The following PHF14 variants were observed in gnomAD, a reference collection of about 807,000 sequenced individuals.
PHF14 encodes the protein PHD finger protein 14.
Under a neutral mutation model 117.9 loss-of-function variants are expected in PHF14, and 55 were observed. The observed-to-expected ratio is 0.47, with a 90% confidence interval of 0.38 to 0.58. The LOEUF is 0.58. Among genes scored for constraint, PHF14 ranks in the 20% least tolerant of loss-of-function variants. PHF14 has a pLI of 0.00. For missense variants in PHF14, 978 were observed against 1,122.2 expected (o/e 0.87, Z 1.84); for synonymous variants, 409 against 368.6 (o/e 1.11, Z -1.26).
chr7:11,006,711 A>C, intron 4 of PHF14: 3 of 654,924 alleles, frequency 4.6e-6, no homozygotes, highest in South Asian at 4.1e-5. Context: ...CTGCCTCCAG[A>C]GTCTCAGTGT....
intron 1 of PHF14, 108 bp downstream of exon 1, chr7:10,974,432 T>C: frequency 1.1e-6 from 1 of 931,538 alleles, no homozygotes; most frequent in Non-Finnish European, 1.7e-6. Flanking sequence ...GAAAGCAGGA[T>C]TGGTGGACCC....
At chr7:11,114,009 AG>A (rs2128344063) in intron 17 of PHF14, among the ~76,000 whole-genome samples, 1 of 152,276 alleles carries the variant, frequency 6.6e-6, no homozygotes, top group Admixed American at 6.5e-5. Context: ...ATTATTTGCT[AG>A]GTAGCACTGG....
intron 17 of PHF14, among the ~76,000 whole-genome samples, chr7:11,168,030 A>AAG (rs1217282841): frequency 6.6e-6 from 1 of 151,990 alleles, no homozygotes; most frequent in East Asian, 1.9e-4. Flanking sequence ...AAAAAAAAAA[A>AAG]AAAAGAAATG....
At chr7:11,085,838 T>G (rs563429158) in intron 16 of PHF14, among the ~76,000 whole-genome samples, 56 of 152,194 alleles carry the variant, frequency 3.7e-4, no homozygotes, top group African/African-American at 1.3e-3. Context: ...TTGCTACTGA[T>G]AAGTACAGTT....
intron 13 of PHF14, among the ~76,000 whole-genome samples, chr7:11,047,870 AGAGGAAGGAAGGGAGGAAAGAAGG>A (rs1276898562): frequency 8.0e-6 from 1 of 124,224 alleles, no homozygotes; most frequent in African/African-American, 3.0e-5. Context: ...CGGGAAAAAG[AGAGGAAGGAAGGGAGGAAAGAAGG>A]GAGGGAGGAA....
At chr7:11,114,647 C>T (rs1425551673) in intron 17 of PHF14, among the ~76,000 whole-genome samples, 1 of 152,098 alleles carries the variant, frequency 6.6e-6, no homozygotes, top group Non-Finnish European at 1.5e-5. Context: ...TCTGTCTCAT[C>T]AACTCTTCAT....
At chr7:10,998,823 T>C (rs1192244709) in intron 4 of PHF14, among the ~76,000 whole-genome samples, 1 of 152,212 alleles carries the variant, frequency 6.6e-6, no homozygotes, top group African/African-American at 2.4e-5. Flanking sequence ...GGGCACTATC[T>C]CTATTTTTCT....
At chr7:11,115,427 G>T (rs1035440368) in intron 17 of PHF14, among the ~76,000 whole-genome samples, 17 of 151,910 alleles carry the variant, frequency 1.1e-4, no homozygotes, top group African/African-American at 3.9e-4. Context: ...ATTTAAATAA[G>T]CTAGTACTAT....
intron 2 of PHF14, among the ~76,000 whole-genome samples, chr7:10,977,748 A>G (rs1435654960): frequency 3.3e-5 from 5 of 152,220 alleles, no homozygotes; most frequent in African/African-American, 7.2e-5. Flanking sequence ...TAACCACCAG[A>G]AGAACCATAT....
intron 17 of PHF14, among the ~76,000 whole-genome samples, chr7:11,125,671 A>G (rs1465773467): frequency 6.6e-6 from 1 of 151,798 alleles, no homozygotes. Context: ...TAGCTCTGCC[A>G]CCTCTTTTTG....
chr7:11,000,334 CTTTTTTT>C (rs71023882), intron 4 of PHF14, among the ~76,000 whole-genome samples: 3 of 60,350 alleles, frequency 5.0e-5, no homozygotes, highest in Non-Finnish European at 9.1e-5. Context: ...GCTTATTTGC[CTTTTTTT>C]TTTTTTTTTT....
intron 4 of PHF14, among the ~76,000 whole-genome samples, chr7:11,011,490 G>A (rs982534917): frequency 7.9e-5 from 12 of 152,038 alleles, no homozygotes; most frequent in African/African-American, 1.7e-4. Context: ...AGTTTATTGC[G>A]TGTTACTTTG....
Position 11,111,335 on chromosome 7 carries a change from C to T in PHF14, c.2655-15C>T. 2 of 1,323,094 alleles carry T rather than the reference C, an allele frequency of 1.5e-6. No homozygotes were observed. The highest frequency in any genetic ancestry group is 3.6e-5 in the Admixed American group (2 of 55,780). The allele number at this position is 1,323,094 out of a possible 1,614,324, so 82.0% of individuals were successfully genotyped here. A position where few individuals can be genotyped will look rare whatever the true frequency, so the allele number is the denominator to read the frequency against. On this transcript the variant is annotated splice_polypyrimidine_tract_variant and intron_variant, in intron 16 of 17. Transcript: ENST00000634607. The stretch of plus-strand genomic sequence containing the variant: ...TATTTAGATACACCTACCTATAAAT[C>T]TGTTTACCCTGCAGGTGTGATGAAT...
At chr7:11,042,932 G>C in intron 13 of PHF14, 118 bp downstream of exon 13, 2 of 686,238 alleles carry the variant, frequency 2.9e-6, no homozygotes, top group Middle Eastern at 6.9e-4. Context: ...AAAATTGACT[G>C]TCATCAATAT....
chr7:11,000,880 T>C (rs1782845682), intron 4 of PHF14, among the ~76,000 whole-genome samples: 1 of 152,186 alleles, frequency 6.6e-6, no homozygotes, highest in Non-Finnish European at 1.5e-5. Flanking sequence ...GTCCAACTTA[T>C]AAATTATTTC....
intron 4 of PHF14, among the ~76,000 whole-genome samples, chr7:11,008,844 A>C (rs1783230749): frequency 1.3e-5 from 2 of 151,656 alleles, no homozygotes; most frequent in Admixed American, 6.6e-5. Flanking sequence ...GACCATCCTG[A>C]CTAACATGGT....
chr7:11,037,281 G>T (rs77140421), intron 10 of PHF14, among the ~76,000 whole-genome samples, 190 bp downstream of exon 10: 2,295 of 152,120 alleles, frequency 0.015, 47 homozygotes, highest in African/African-American at 0.053. Context: ...TGTGTGCCAG[G>T]CATAATTTTG....
chr7:11,149,679 A>G (rs1333482311), intron 17 of PHF14, among the ~76,000 whole-genome samples: 1 of 152,196 alleles, frequency 6.6e-6, no homozygotes, highest in Non-Finnish European at 1.5e-5. Context: ...AAATAAAAGA[A>G]TGCTGATACA....
chr7:10,984,594 C>T (rs200757397), intron 3 of PHF14, among the ~76,000 whole-genome samples: 1 of 152,150 alleles, frequency 6.6e-6, no homozygotes, highest in East Asian at 1.9e-4. Flanking sequence ...TTGACCACAT[C>T]ACTTTCTTCA....
Sources: allele counts gnomAD v4.1 joint callset (sites outside exome capture counted in the v4.1 genomes callset), GRCh38; gene constraint gnomAD v4.1.1; transcripts MANE v1.5; gene names NCBI Gene and HGNC (gene_info 2026-07-23, HGNC 2026-07-21).